The following SLC20A1 variants were observed in gnomAD, a reference collection of about 807,000 sequenced individuals.
SLC20A1 encodes the protein sodium-dependent phosphate transporter 1.
In SLC20A1, 28 loss-of-function variants were observed where a neutral mutation model predicts 62.7. The observed-to-expected ratio is 0.45, with a 90% CI of 0.33 to 0.61. The LOEUF (loss-of-function observed/expected upper bound fraction) is 0.61, where lower values mean the gene tolerates loss of function less well. Among genes scored for constraint, SLC20A1 ranks in the 20% least tolerant of loss-of-function variants. The pLI is 0.02. For missense variants in SLC20A1, 673 were observed against 838.6 expected (o/e 0.80, Z 2.44); for synonymous variants, 305 against 302.9 (o/e 1.01, Z -0.07).
chr2:112,647,049 C>G lies in SLC20A1; in HGVS notation c.221C>G (p.Ser74Cys). 6.2e-7 allele frequency: 1 copy of G among 1,614,196 alleles called. No homozygotes were observed. Among genetic ancestry groups the G allele is most frequent in the Non-Finnish European group, 8.5e-7 (1 of 1,180,044 alleles). ...GCTAGCATCTTTGAAACAGTGGGCT[C>G]TGTCTTACTGGGGGCCAAAGTGAGC... The part of the protein sequence containing the change: ...ILASIFETVG[S>C]VLLGAKVSET... Residue 74 changes from serine to cysteine, a missense_variant, in exon 2 of 11, where the codon TCT becomes TGT. Transcript: ENST00000272542.
At chr2:112,655,168 C>G (rs1169227053) in intron 5 of SLC20A1, among the ~76,000 whole-genome samples, 1 of 151,830 alleles carries the variant, frequency 6.6e-6, no homozygotes, top group Non-Finnish European at 1.5e-5. Flanking sequence ...GTGGTTTCAC[C>G]GTGTTGGTCA....
intron 5 of SLC20A1, among the ~76,000 whole-genome samples, chr2:112,654,258 T>C (rs1479999566): frequency 2.6e-5 from 4 of 152,256 alleles, no homozygotes; most frequent in Non-Finnish European, 5.9e-5. Context: ...AACTGCTATG[T>C]GCCGGTGAAG....
chr2:112,651,332 C>CA (rs1686428907), intron 4 of SLC20A1, among the ~76,000 whole-genome samples: 1 of 152,102 alleles, frequency 6.6e-6, no homozygotes, highest in Non-Finnish European at 1.5e-5. Flanking sequence ...ATCAAGATAA[C>CA]ATTAAACCTT....
intron 10 of SLC20A1, among the ~76,000 whole-genome samples, chr2:112,662,558 C>T (rs541809130): frequency 3.9e-5 from 6 of 152,252 alleles, no homozygotes; most frequent in Admixed American, 2.6e-4. Context: ...CCAGCCTGGG[C>T]GACAGTGCGA....
rs1686808483 is a variant in SLC20A1 at position 112,663,608 on chromosome 2, A to G, written c.*583A>G. 1 of 155,864 alleles carries G rather than the reference A, an allele frequency of 6.4e-6. No homozygotes were observed. Among genetic ancestry groups the G allele is most frequent in the South Asian group, 1.9e-4 (1 of 5,194 alleles). 9.7% of individuals were successfully genotyped at this position (155,864 alleles called of 1,614,324 possible). A position where few individuals can be genotyped will look rare whatever the true frequency, so the allele number is the denominator to read the frequency against. On this transcript the variant is annotated 3_prime_UTR_variant, in exon 11 of 11. Transcript: ENST00000272542. The stretch of plus-strand genomic sequence containing the variant: ...TTTGAACACAGTGAAAATTTAAATT[A>G]GTAACTTTTTTGCAAGCAGTTTATT...
At chr2:112,659,797 A>G (rs781747729) in intron 8 of SLC20A1, 35 bp downstream of exon 8, 1 of 1,559,252 alleles carries the variant, frequency 6.4e-7, no homozygotes, top group Non-Finnish European at 8.7e-7. Context: ...TGCTAACCCT[A>G]TTTTTAAACC....
Position 112,657,285 on chromosome 2 carries a change from G to A in SLC20A1, c.778+44G>A, listed in dbSNP as rs777558166. The A allele has an allele frequency of 1.9e-6, 3 of 1,568,046 alleles. No individual in the cohort carries two copies. The East Asian group carries it at 6.8e-5, about 35-fold the overall frequency. ...GCAGAAAAGTTTAACTACTAATGTT[G>A]TGTTTATTTTTTATTTGGCCACCTG... On this transcript the variant is annotated intron_variant, in intron 6 of 10. Transcript: ENST00000272542.
At chr2:112,648,647 C>T (rs1686347691) in intron 4 of SLC20A1, among the ~76,000 whole-genome samples, 1 of 152,212 alleles carries the variant, frequency 6.6e-6, no homozygotes, top group South Asian at 2.1e-4. Flanking sequence ...AATTCTATGA[C>T]TAGTAAAGTG....
chr2:112,652,921 G>C, intron 5 of SLC20A1, 123 bp downstream of exon 5: 5 of 1,589,530 alleles, frequency 3.1e-6, no homozygotes, highest in South Asian at 1.1e-5. Flanking sequence ...GCTGGCCTGC[G>C]CCCATTTCAG....
intron 4 of SLC20A1, among the ~76,000 whole-genome samples, chr2:112,650,871 C>T (rs1023237056): frequency 6.6e-6 from 1 of 152,156 alleles, no homozygotes; most frequent in African/African-American, 2.4e-5. Flanking sequence ...CATCCCCTGC[C>T]TCATCCTCCC....
chr2:112,656,931 A>G lies in SLC20A1; in HGVS notation c.659-191A>G, dbSNP rs116413027. The G allele has an allele frequency of 2.5e-3, 1,645 of 665,208 alleles. 22 individuals carry two copies. The highest frequency in any genetic ancestry group is 0.022 in the African/African-American group (1,235 of 55,904). 41.2% of individuals were successfully genotyped at this position (665,208 alleles called of 1,614,324 possible). On this transcript the variant is annotated intron_variant, in intron 5 of 10. Coordinates refer to ENST00000272542, the MANE Select transcript of SLC20A1 (RefSeq NM_005415.5). The stretch of plus-strand genomic sequence containing the variant: ...GGGCTAGGCTGGTGTGGGTTTTCAG[A>G]TGATCATTGAGTTTTTCTCCCAAAT...
rs2104649633 is a variant in SLC20A1, at chr2:112,658,944, G to C, written c.898G>C (p.Glu300Gln). ...TATTGAAAACAAGCATCCTGTTTCT[G>C]AGGTAGGGCCTGCCACTGTGCCCCT... is the stretch of plus-strand genomic sequence containing the variant. ...GDIENKHPVSEVGPATVPLQA... is the reference protein window; with the variant it reads ...GDIENKHPVSQVGPATVPLQA... Residue 300 changes from glutamate (E) to glutamine (Q), a missense_variant, in exon 7 of 11, where the codon GAG becomes CAG. Physicochemically the swap from Glu to Gln is conservative, Grantham distance 29. Transcript: ENST00000272542. 6.2e-7 allele frequency: 1 copy of C among 1,614,222 alleles called. No homozygotes were observed. The highest frequency in any genetic ancestry group is 8.5e-7 in the Non-Finnish European group (1 of 1,180,040).
chr2:112,653,060 C>T, intron 5 of SLC20A1: 1 of 727,608 alleles, frequency 1.4e-6, no homozygotes, highest in Non-Finnish European at 2.2e-6. Context: ...ATATGATCAT[C>T]TCCTTCCCTT....
At chr2:112,661,402 A>C (rs1263953256) in intron 10 of SLC20A1, among the ~76,000 whole-genome samples, 176 bp downstream of exon 10, 1 of 152,238 alleles carries the variant, frequency 6.6e-6, no homozygotes, top group African/African-American at 2.4e-5. Context: ...ATTCTCCCCA[A>C]ATAATAGAAA....
intron 5 of SLC20A1, among the ~76,000 whole-genome samples, chr2:112,655,413 TGAG>T (rs942684698): frequency 3.9e-5 from 6 of 152,214 alleles, no homozygotes; most frequent in East Asian, 1.9e-4. Flanking sequence ...CATTGTAAGT[TGAG>T]GAGCATCTGT....
intron 6 of SLC20A1, among the ~76,000 whole-genome samples, chr2:112,657,734 T>C (rs1318649211): frequency 1.3e-5 from 2 of 152,218 alleles, no homozygotes; most frequent in Non-Finnish European, 2.9e-5. Flanking sequence ...CTAGAATACA[T>C]GTAGACATTG....
chr2:112,658,275 T>C (rs1286921529), intron 6 of SLC20A1: 1 of 152,672 alleles, frequency 6.5e-6, no homozygotes, highest in Non-Finnish European at 1.5e-5. Context: ...GGTCTGCCTG[T>C]GGGATTTACA....
Position 112,647,739 on chromosome 2 carries a change from G to C in SLC20A1, c.561+1G>C. 2 of 1,611,142 alleles carry C rather than the reference G, an allele frequency of 1.2e-6. No individual in the cohort carries two copies. The highest frequency in any genetic ancestry group is 1.7e-6 in the Non-Finnish European group (2 of 1,177,322). ...GGTTCGTGCATTCATCCTCCATAAG[G>C]TAACCTTTCTCCCCCGTATGAAGAC... On this transcript the variant is annotated splice_donor_variant, in intron 4 of 10. Transcript: ENST00000272542. LOFTEE classifies it high-confidence loss of function.
At chr2:112,658,803 A>G in intron 6 of SLC20A1, 22 bp from the exon 7 acceptor site, 1 of 1,579,324 alleles carries the variant, frequency 6.3e-7, no homozygotes, top group Non-Finnish European at 8.6e-7. Flanking sequence ...AAACCAAAAA[A>G]GACCCCCCTT....
Sources: allele counts gnomAD v4.1 joint callset (sites outside exome capture counted in the v4.1 genomes callset), GRCh38; gene constraint gnomAD v4.1.1; transcripts MANE v1.5; gene names NCBI Gene and HGNC (gene_info 2026-07-23, HGNC 2026-07-21).